Variants in GRM1 observed in about 807,000 individuals in gnomAD.
The protein encoded by GRM1 is glutamate metabotropic receptor 1.
Under a neutral mutation model 90.9 loss-of-function variants are expected in GRM1, and 33 were observed. That is an observed-to-expected ratio of 0.36 (90% CI 0.28 to 0.49). GRM1 has a LOEUF of 0.49. Ranked by LOEUF, GRM1 falls within the 20% of genes least tolerant of loss-of-function variation. The pLI is 0.99. For missense variants in GRM1, 1,190 were observed against 1,534.3 expected (o/e 0.78, Z 3.75); for synonymous variants, 700 against 613.2 (o/e 1.14, Z -2.09).
At chr6:146,340,115 G>A (rs188570778) in intron 3 of GRM1, among the ~76,000 whole-genome samples, 2 of 152,236 alleles carry the variant, frequency 1.3e-5, no homozygotes, top group African/African-American at 2.4e-5. Flanking sequence ...CTTTCAGGGG[G>A]CACTACTGAA....
intron 1 of GRM1, among the ~76,000 whole-genome samples, chr6:146,038,193 G>T (rs534673543): frequency 6.6e-6 from 1 of 152,052 alleles, no homozygotes; most frequent in South Asian, 2.1e-4. Context: ...CTCTATGAGG[G>T]TTGTGGTTAA....
At chr6:146,215,483 G>C (rs1779838004) in intron 2 of GRM1, among the ~76,000 whole-genome samples, 1 of 151,968 alleles carries the variant, frequency 6.6e-6, no homozygotes, top group Non-Finnish European at 1.5e-5. Flanking sequence ...GCCCTTGCAA[G>C]AAGCAACAAA....
At chr6:146,122,914 G>A (rs1776051857) in intron 1 of GRM1, among the ~76,000 whole-genome samples, 5 of 135,058 alleles carry the variant, frequency 3.7e-5, no homozygotes, top group African/African-American at 1.4e-4. Flanking sequence ...GGGCAATCTC[G>A]GCTCACTGCA....
At chr6:146,125,097 T>G (rs1487171605) in intron 1 of GRM1, among the ~76,000 whole-genome samples, 1 of 152,144 alleles carries the variant, frequency 6.6e-6, no homozygotes, top group African/African-American at 2.4e-5. Context: ...CCAGGCTAGT[T>G]TTTATATTTC....
At chr6:146,271,996 T>C (rs895180683) in intron 2 of GRM1, among the ~76,000 whole-genome samples, 5 of 152,186 alleles carry the variant, frequency 3.3e-5, no homozygotes, top group African/African-American at 1.2e-4. Flanking sequence ...TTCAGTTTTG[T>C]CCAATAATCC....
intron 1 of GRM1, among the ~76,000 whole-genome samples, chr6:146,125,548 C>T (rs1436406150): frequency 6.6e-6 from 1 of 151,290 alleles, no homozygotes; most frequent in East Asian, 1.9e-4. Flanking sequence ...TTATTTCTGG[C>T]TGTCATCATT....
chr6:146,086,637 G>A lies in GRM1; in HGVS notation c.700+56420G>A, dbSNP rs139670435. On this transcript the variant is annotated intron_variant, in intron 1 of 7. Coordinates refer to ENST00000282753, the MANE Select transcript of GRM1 (RefSeq NM_001278064.2). ...TCTGGGGGTGTGATGTCTCTCTCTC[G>A]GGGGAGAAGATCATTAATGCGTCCT... Among the ~76,000 whole-genome samples, 61 of 151,888 alleles carry A rather than the reference G, an allele frequency of 4.0e-4. No homozygotes were observed. In the East Asian group the frequency reaches 7.4e-3, roughly 18 times the overall value.
intron 2 of GRM1, among the ~76,000 whole-genome samples, chr6:146,176,068 CT>C (rs1453929433): frequency 6.6e-6 from 1 of 152,028 alleles, no homozygotes; most frequent in Non-Finnish European, 1.5e-5. Flanking sequence ...GTTTAGCTAG[CT>C]TTTGAAACCC....
intron 2 of GRM1, among the ~76,000 whole-genome samples, chr6:146,209,499 A>G (rs960586883): frequency 5.9e-5 from 9 of 152,172 alleles, no homozygotes; most frequent in African/African-American, 1.9e-4. Flanking sequence ...AAAGGCTGAC[A>G]GTCCATGGTG....
chr6:146,265,820 G>A (rs1016978772), intron 2 of GRM1, among the ~76,000 whole-genome samples: 1 of 152,138 alleles, frequency 6.6e-6, no homozygotes, highest in Non-Finnish European at 1.5e-5. Flanking sequence ...AACCATCATT[G>A]TATGTGGCTT....
At chr6:146,028,519 C>T (rs1203173607), upstream of GRM1, among the ~76,000 whole-genome samples, 1 of 151,798 alleles carries the variant, frequency 6.6e-6, no homozygotes, top group Non-Finnish European at 1.5e-5. Context: ...CCCCCCCTAA[C>T]CCGTCCACCC....
rs1790614255 is a variant in GRM1 at position 146,029,179 on chromosome 6, C to T, written c.-339C>T. ...CTCTGATGACAAGGTTGTGATTTTT[C>T]TCTGTCTTTTGTCAGCAGCATCTAG... is the stretch of plus-strand genomic sequence containing the variant. On this transcript the variant is annotated 5_prime_UTR_variant, in exon 1 of 8. Transcript: ENST00000282753. 1 of 390,242 alleles carries T rather than the reference C, an allele frequency of 2.6e-6. No individual in the cohort carries two copies. Among genetic ancestry groups the T allele is most frequent in the African/African-American group, 2.1e-5 (1 of 48,734 alleles). The allele number at this position is 390,242 out of a possible 1,614,324, so 24.2% of individuals were successfully genotyped here. A position where few individuals can be genotyped will look rare whatever the true frequency, so the allele number is the denominator to read the frequency against.
intron 2 of GRM1, among the ~76,000 whole-genome samples, chr6:146,184,060 C>A (rs1385392800): frequency 6.6e-6 from 1 of 151,932 alleles, no homozygotes; most frequent in Non-Finnish European, 1.5e-5. Context: ...CTGGATTTAG[C>A]CAGGAATTCA....
intron 5 of GRM1, among the ~76,000 whole-genome samples, chr6:146,370,944 C>T (rs570625358): frequency 1.4e-4 from 21 of 152,088 alleles, no homozygotes; most frequent in African/African-American, 2.2e-4. Flanking sequence ...TATACTTTGT[C>T]GGTGATAAAT....
chr6:146,326,860 G>T (rs1583330176), intron 3 of GRM1, among the ~76,000 whole-genome samples: 3 of 152,118 alleles, frequency 2.0e-5, no homozygotes, highest in African/African-American at 7.2e-5. Flanking sequence ...ATATGACTAG[G>T]GGTTGTTGAG....
intron 2 of GRM1, among the ~76,000 whole-genome samples, chr6:146,268,479 T>G (rs144353825): frequency 1.8e-3 from 278 of 152,358 alleles, no homozygotes; most frequent in African/African-American, 6.0e-3. Flanking sequence ...CCTGCATTCC[T>G]TCATTACAAG....
intron 7 of GRM1, among the ~76,000 whole-genome samples, chr6:146,418,292 G>A (rs1479301515): frequency 1.3e-5 from 2 of 151,700 alleles, no homozygotes; most frequent in Non-Finnish European, 2.9e-5. Context: ...TTAGTTCCTG[G>A]GGTAAAGCTA....
chr6:146,182,293 T>C (rs1389929806), intron 2 of GRM1, among the ~76,000 whole-genome samples: 1 of 152,162 alleles, frequency 6.6e-6, no homozygotes, highest in Non-Finnish European at 1.5e-5. Flanking sequence ...CTCTAGCAAA[T>C]TGTTTCTCTT....
At chr6:146,270,731 G>A (rs1782084624) in intron 2 of GRM1, among the ~76,000 whole-genome samples, 1 of 152,088 alleles carries the variant, frequency 6.6e-6, no homozygotes, top group Non-Finnish European at 1.5e-5. Flanking sequence ...TAATTTTCAT[G>A]AACACCATTT....
Sources: gnomAD v4.1 joint callset for allele counts (sites outside exome capture counted in the v4.1 genomes callset) on GRCh38, gnomAD v4.1.1 for gene constraint, MANE v1.5 for transcripts, NCBI Gene and HGNC (gene_info 2026-07-23, HGNC 2026-07-21) for gene names.